IGLON5: variants seen among roughly 807,000 people sequenced by gnomAD.
IGLON5 encodes the protein Ig-like domain-containing protein ENSP00000270642.
Under a neutral mutation model 38.2 loss-of-function variants are expected in IGLON5, and 16 were observed. The observed-to-expected ratio is 0.42, with a 90% CI of 0.28 to 0.64. The LOEUF (loss-of-function observed/expected upper bound fraction) is 0.64, where lower values mean the gene tolerates loss of function less well. Ranked by LOEUF, IGLON5 falls within the 30% of genes least tolerant of loss-of-function variation. The probability of loss-of-function intolerance (pLI) is 0.23; values close to 1 mark genes in which losing one functional copy is unlikely to be tolerated. For synonymous variants in IGLON5, 207 were observed against 216.4 expected (o/e 0.96, Z 0.38); for missense variants, 366 against 483.4 (o/e 0.76, Z 2.28).
rs1476460034 is a variant in IGLON5, at chr19:51,327,430, C to T, written c.767+230C>T. On this transcript the variant is annotated intron_variant, in intron 6 of 7. Transcript: ENST00000270642. The surrounding 1 kb of genome is among the most constrained non-coding windows in gnomAD (Gnocchi z 7.1). ...CTCCCCGGACTTTTCAGGGAGCTGG[C>T]CAGGGGTCGGGGGTCAATGCTGAGG... Among the ~76,000 whole-genome samples, 2 of 152,082 alleles carry T rather than the reference C, an allele frequency of 1.3e-5. No individual in the cohort carries two copies. Among genetic ancestry groups the T allele is most frequent in the Non-Finnish European group, 2.9e-5 (2 of 68,006 alleles).
chr19:51,323,929 G>T, intron 3 of IGLON5, 35 bp downstream of exon 3: 2 of 1,470,722 alleles, frequency 1.4e-6, no homozygotes, highest in African/African-American at 1.4e-5. Context: ...TGGGTGGAGG[G>T]GTTGAGAGCG....
At chr19:51,317,981 C>G (rs1840912458) in intron 1 of IGLON5, among the ~76,000 whole-genome samples, 2 of 152,180 alleles carry the variant, frequency 1.3e-5, no homozygotes, top group African/African-American at 4.8e-5. Flanking sequence ...CATCCATGCC[C>G]TTTCCACAAA....
rs1985202258 is a variant in IGLON5 at position 51,325,820 on chromosome 19, A to G, written c.511+355A>G. On this transcript the variant is annotated intron_variant, in intron 4 of 7. Transcript: ENST00000270642. This position sits in a 1 kb window ranked among gnomAD's most constrained non-coding sequence, Gnocchi z 5.5. ...TAGGTGCCCTAAGCCAGGCTGCACC[A>G]GCGGTCCTGCGTACATCTCTGCCTC... Among the ~76,000 whole-genome samples the G allele has an allele frequency of 6.8e-6, 1 of 146,348 alleles. No individual in the cohort carries two copies. Among genetic ancestry groups the G allele is most frequent in the African/African-American group, 2.7e-5 (1 of 37,368 alleles).
In IGLON5 at chr19:51,327,578, T is replaced by C. The variant is rs1171723980; in HGVS notation, c.768-154T>C. Among the ~76,000 whole-genome samples, 1 of 146,764 alleles carries C rather than the reference T, an allele frequency of 6.8e-6. No individual in the cohort carries two copies. The highest frequency in any genetic ancestry group is 1.5e-5 in the Non-Finnish European group (1 of 66,616). ...GCCTGGAGGGGGGCGGCGGTGGGAGTGACCCGAGGTACATGAGGTGCTAGA... is the reference window on the plus strand; with the variant it reads ...GCCTGGAGGGGGGCGGCGGTGGGAGCGACCCGAGGTACATGAGGTGCTAGA... On this transcript the variant is annotated intron_variant, in intron 6 of 7. Transcript: ENST00000270642. This position sits in a 1 kb window ranked among gnomAD's most constrained non-coding sequence, Gnocchi z 7.1.
chr19:51,328,627 C>T, intron 7 of IGLON5, 44 bp from the exon 8 acceptor site: 1 of 1,314,822 alleles, frequency 7.6e-7, no homozygotes. Flanking sequence ...ACATGGGGTT[C>T]CCCACTCTCA....
chr19:51,313,979 G>A (rs1489148328), intron 1 of IGLON5, among the ~76,000 whole-genome samples: 1 of 151,616 alleles, frequency 6.6e-6, no homozygotes, highest in African/African-American at 2.4e-5. Context: ...CCTCCCACCT[G>A]GGCCTCTCAA....
rs368258506 is a variant in IGLON5 at position 51,327,480 on chromosome 19, C to T, written c.768-252C>T. Among the ~76,000 whole-genome samples the T allele has an allele frequency of 6.6e-6, 1 of 152,082 alleles. No homozygotes were observed. Among genetic ancestry groups the T allele is most frequent in the Non-Finnish European group, 1.5e-5 (1 of 68,010 alleles). ...GATCTGTCGGGCAAGATTTAGGGGA[C>T]CAGCAGAGTTCAGGAGTCCCTAACG... On this transcript the variant is annotated intron_variant, in intron 6 of 7. Coordinates refer to ENST00000270642, the MANE Select transcript of IGLON5 (RefSeq NM_001101372.3). This position sits in a 1 kb window ranked among gnomAD's most constrained non-coding sequence, Gnocchi z 7.1.
Position 51,320,608 on chromosome 19 carries a change from G to A in IGLON5, c.80-1456G>A, listed in dbSNP as rs544690561. 9.2e-5 allele frequency among the ~76,000 whole-genome samples: 14 copies of A among 152,334 alleles called. 1 individual carries two copies. In the South Asian group the frequency reaches 2.9e-3, roughly 32 times the overall value. Reference sequence around the variant, plus strand: ...TGCGAGTGGGCATGGGCTCACACCTGCAAGCATGCCCTGGCAAACTTGAGC... The same window carrying A: ...TGCGAGTGGGCATGGGCTCACACCTACAAGCATGCCCTGGCAAACTTGAGC... On this transcript the variant is annotated intron_variant, in intron 1 of 7. Coordinates refer to ENST00000270642, the MANE Select transcript of IGLON5 (RefSeq NM_001101372.3).
At position 51,325,201 on chromosome 19, in the gene IGLON5, C is replaced by A; in HGVS notation, c.392-145C>A. On this transcript the variant is annotated intron_variant, in intron 3 of 7. Transcript: ENST00000270642. This position sits in a 1 kb window ranked among gnomAD's most constrained non-coding sequence, Gnocchi z 5.5. ...GAACTGCGGGTCTGAACTCCCGGGT[C>A]TGAGGGAGGAGGGGCTGGGGGTCTG... 8.7e-7 allele frequency: 1 copy of A among 1,154,614 alleles called. No individual in the cohort carries two copies. 71.5% of individuals were successfully genotyped at this position (1,154,614 alleles called of 1,614,324 possible).
chr19:51,321,074 A>G (rs1985044739), intron 1 of IGLON5, among the ~76,000 whole-genome samples: 1 of 152,154 alleles, frequency 6.6e-6, no homozygotes, highest in East Asian at 1.9e-4. Context: ...TGTTCTGTGT[A>G]TGCAAGTATC....
chr19:51,315,510 G>C lies in IGLON5; in HGVS notation c.79+3584G>C, dbSNP rs146987067. Among the ~76,000 whole-genome samples, 32 of 152,260 alleles carry C rather than the reference G, an allele frequency of 2.1e-4. No individual in the cohort carries two copies. In the East Asian group the frequency reaches 6.2e-3, roughly 29 times the overall value. On this transcript the variant is annotated intron_variant, in intron 1 of 7. Transcript: ENST00000270642. ...GGAGCTTAGATCATAGTGGGATGGA[G>C]AGAGATCAAAGACCAAAACCAAAAC...
chr19:51,313,825 G>A (rs559651599), intron 1 of IGLON5, among the ~76,000 whole-genome samples: 1 of 151,608 alleles, frequency 6.6e-6, no homozygotes, highest in Non-Finnish European at 1.5e-5. Flanking sequence ...TGCCTCAAGC[G>A]ATCCTGCCAC....
chr19:51,320,054 C>T (rs1353551689), intron 1 of IGLON5, among the ~76,000 whole-genome samples: 1 of 152,038 alleles, frequency 6.6e-6, no homozygotes, highest in African/African-American at 2.4e-5. Flanking sequence ...TGTGCACGCG[C>T]GTGCACGCGT....
At position 51,327,332 on chromosome 19, in the gene IGLON5, C is replaced by A; in HGVS notation, c.767+132C>A. The A allele has an allele frequency of 7.9e-7, 1 of 1,258,388 alleles. No individual in the cohort carries two copies. Among genetic ancestry groups the A allele is most frequent in the Non-Finnish European group, 1.1e-6 (1 of 915,948 alleles). 78.0% of individuals were successfully genotyped at this position (1,258,388 alleles called of 1,614,324 possible). ...TGGGTCCCGAACCTGGGGCGTCCAGCTTCTAGGTGATGGGATCTGTCCAGC... is the reference window on the plus strand; with the variant it reads ...TGGGTCCCGAACCTGGGGCGTCCAGATTCTAGGTGATGGGATCTGTCCAGC... On this transcript the variant is annotated intron_variant, in intron 6 of 7. Coordinates refer to ENST00000270642, the MANE Select transcript of IGLON5 (RefSeq NM_001101372.3). This position sits in a 1 kb window ranked among gnomAD's most constrained non-coding sequence, Gnocchi z 7.1.
chr19:51,312,186 C>G lies in IGLON5; in HGVS notation c.79+260C>G, dbSNP rs533873464. On this transcript the variant is annotated intron_variant, in intron 1 of 7. Transcript: ENST00000270642. Reference sequence around the variant, plus strand: ...GTCTAGGGGCGGAGGTCTGCTTCCCCGAGCAGGCAAGAGGGTCGCAGACAC... The same window carrying G: ...GTCTAGGGGCGGAGGTCTGCTTCCCGGAGCAGGCAAGAGGGTCGCAGACAC... 3.9e-5 allele frequency among the ~76,000 whole-genome samples: 6 copies of G among 152,104 alleles called. No individual in the cohort carries two copies. The South Asian group carries it at 8.3e-4, about 21-fold the overall frequency.
intron 4 of IGLON5, 43 bp from the exon 5 acceptor site, chr19:51,326,721 G>A (rs747786416): frequency 1.7e-5 from 25 of 1,489,988 alleles, no homozygotes; most frequent in Non-Finnish European, 2.1e-5. Context: ...CGTGTTAAGT[G>A]TTTGTGTCCG....
chr19:51,313,079 C>A (rs982359029), intron 1 of IGLON5, among the ~76,000 whole-genome samples: 3 of 152,216 alleles, frequency 2.0e-5, no homozygotes, highest in Admixed American at 6.5e-5. Context: ...TAGACCAAGT[C>A]TGGCACAGAA....
In IGLON5 at chr19:51,329,362, G is replaced by A. The variant is rs1036844699; in HGVS notation, c.*603G>A. The A allele has an allele frequency of 6.6e-6, 1 of 152,224 alleles. No individual in the cohort carries two copies. The highest frequency in any genetic ancestry group is 6.5e-5 in the Admixed American group (1 of 15,286). The allele number at this position is 152,224 out of a possible 1,614,324, so 9.4% of individuals were successfully genotyped here. ...ACTCCTGGCAGGTTGGGAGTGGGGA[G>A]GGGCATCGCACTCACCTGTCAAGCT... On this transcript the variant is annotated 3_prime_UTR_variant, in exon 8 of 8. Coordinates refer to ENST00000270642, the MANE Select transcript of IGLON5 (RefSeq NM_001101372.3). This position sits in a 1 kb window ranked among gnomAD's most constrained non-coding sequence, Gnocchi z 4.3.
At position 51,327,754 on chromosome 19, in the gene IGLON5, G is replaced by A; in HGVS notation, c.790G>A (p.Gly264Ser). ...CAGGCTGAGCAGCGGCACGGCCGAAGGCCTGAAGGTGCAGACGGAGCGCAC... is the reference window on the plus strand; with the variant it reads ...CAGGCTGAGCAGCGGCACGGCCGAAAGCCTGAAGGTGCAGACGGAGCGCAC... ...DRLLSSGTAEGLKVQTERTRS... is the reference protein window; with the variant it reads ...DRLLSSGTAESLKVQTERTRS... Residue 264 changes from glycine to serine, a missense_variant, in exon 7 of 8, where the codon GGC (glycine) becomes AGC (serine). Gly to Ser is a moderately conservative substitution (Grantham distance 56). Transcript: ENST00000270642. The surrounding 1 kb of genome is among the most constrained non-coding windows in gnomAD (Gnocchi z 7.1). 1 of 1,577,340 alleles carries A rather than the reference G, an allele frequency of 6.3e-7. No individual in the cohort carries two copies. The highest frequency in any genetic ancestry group is 2.3e-5 in the East Asian group (1 of 42,788).
Sources: allele counts gnomAD v4.1 joint callset (sites outside exome capture counted in the v4.1 genomes callset), GRCh38; gene constraint gnomAD v4.1.1; non-coding constraint Gnocchi (gnomAD v3.1); transcripts MANE v1.5; gene names NCBI Gene and HGNC (gene_info 2026-07-23, HGNC 2026-07-21).